Variants in VPS52 observed in about 807,000 individuals in gnomAD.
VPS52 encodes vacuolar protein sorting-associated protein 52 homolog.
A neutral mutation model predicts 98.7 loss-of-function variants in VPS52; 56 were observed. That is an observed-to-expected ratio of 0.57 (90% CI 0.46 to 0.71). VPS52 has a LOEUF of 0.71. Ranked by LOEUF, VPS52 falls within the 30% of genes least tolerant of loss-of-function variation. VPS52 has a pLI of 0.00. For missense variants in VPS52, 742 were observed against 925.9 expected, an observed-to-expected ratio of 0.80 and a Z score of 2.58; for synonymous variants, 348 against 346.4, an observed-to-expected ratio of 1.00 and a Z score of -0.05.
chr6:33,258,904 T>C (rs955732145), intron 17 of VPS52, among the ~76,000 whole-genome samples: 5 of 152,118 alleles, frequency 3.3e-5, no homozygotes, highest in African/African-American at 7.2e-5. Flanking sequence ...ATGACAGCCA[T>C]TTTACAGGAA....
In VPS52 at chr6:33,250,711, G is replaced by A; in HGVS notation, c.*130C>T. ...GGGCAAGGTGCTGGGAGTGAAGGCAGGTAAGCCATGTCAAGGGCCTGGGAA... is the reference window on the plus strand; with the variant it reads ...GGGCAAGGTGCTGGGAGTGAAGGCAAGTAAGCCATGTCAAGGGCCTGGGAA... On this transcript the variant is annotated 3_prime_UTR_variant, in exon 20 of 20. Transcript: ENST00000445902. 7.9e-7 allele frequency: 1 copy of A among 1,258,282 alleles called. No individual in the cohort carries two copies. 77.9% of individuals were successfully genotyped at this position (1,258,282 alleles called of 1,614,324 possible).
At chr6:33,256,658 C>G (rs62405748) in intron 17 of VPS52, among the ~76,000 whole-genome samples, 19 of 151,056 alleles carry the variant, frequency 1.3e-4, no homozygotes, top group African/African-American at 4.1e-4. Context: ...CTAGCCAACA[C>G]GGTGAAACCC....
At position 33,263,834 on chromosome 6, in the gene VPS52, A is replaced by T; in HGVS notation, c.1666T>A (p.Ser556Thr). 1 of 1,614,154 alleles carries T rather than the reference A, an allele frequency of 6.2e-7. No homozygotes were observed. Among genetic ancestry groups the T allele is most frequent in the Non-Finnish European group, 8.5e-7 (1 of 1,180,034 alleles). Residue 556 changes from serine to threonine, a missense_variant, in exon 16 of 20, where the codon TCA (serine) becomes ACA (threonine). Coordinates refer to ENST00000445902, the MANE Select transcript of VPS52 (RefSeq NM_022553.6). ...FVLRVAAEFS[S>T]RKEQLVFLIN... ...AGAAACACAAGCTGCTCCTTCCTTG[A>T]GGAGAACTCAGCTGCCACTCGGAGG...
At chr6:33,263,411 A>ACG in intron 17 of VPS52, 73 bp downstream of exon 17, 1 of 1,382,040 alleles carries the variant, frequency 7.2e-7, no homozygotes, top group Non-Finnish European at 1.0e-6. Context: ...ACACACACAC[A>ACG]CACAGAGAGA....
In VPS52 at chr6:33,250,620, G is replaced by A. The variant is rs1037537802; in HGVS notation, c.*221C>T. On this transcript the variant is annotated 3_prime_UTR_variant, in exon 20 of 20. Coordinates refer to ENST00000445902, the MANE Select transcript of VPS52 (RefSeq NM_022553.6). ...GGCCATTTTGGAAGCCCACAGGGAA[G>A]TGGTCTTGGGAAACCTGAAGACACT... The A allele has an allele frequency of 3.5e-6, 2 of 565,166 alleles. No homozygotes were observed. Among genetic ancestry groups the A allele is most frequent in the Non-Finnish European group, 6.1e-6 (2 of 329,096 alleles). The allele number at this position is 565,166 out of a possible 1,614,324, so 35.0% of individuals were successfully genotyped here.
At position 33,264,442 on chromosome 6, in the gene VPS52, T is replaced by C; in HGVS notation, c.1456A>G (p.Met486Val). The change falls in exon 14 of 20, where the codon ATG becomes GTG. Residue 486 changes from methionine to valine, a missense_variant. Around this residue, in one of 2 missense-constraint regions of VPS52, gnomAD observed 590 missense variants for 793.3 expected, o/e 0.74. Coordinates refer to ENST00000445902, the MANE Select transcript of VPS52 (RefSeq NM_022553.6). ...GTGCTTCGGACGCTCTGAACATTCATCTCCAGGATCAGTTCAAACCGTGGC... is the reference window on the plus strand; with the variant it reads ...GTGCTTCGGACGCTCTGAACATTCACCTCCAGGATCAGTTCAAACCGTGGC... ...LWPRFELILE[M>V]NVQSVRSTDP... is the part of the protein sequence containing the mutation. 1 of 1,614,118 alleles carries C rather than the reference T, an allele frequency of 6.2e-7. No individual in the cohort carries two copies. The highest frequency in any genetic ancestry group is 8.5e-7 in the Non-Finnish European group (1 of 1,180,028).
At chr6:33,255,557 C>T (rs112508703) in intron 17 of VPS52, among the ~76,000 whole-genome samples, 6,519 of 144,672 alleles carry the variant, frequency 0.045, 501 homozygotes, top group African/African-American at 0.16. Flanking sequence ...GAGGCCAAGG[C>T]GGGCAGATGA....
At chr6:33,265,133 C>T (rs1350178268) in intron 12 of VPS52, among the ~76,000 whole-genome samples, 1 of 152,054 alleles carries the variant, frequency 6.6e-6, no homozygotes, top group African/African-American at 2.4e-5. Context: ...AATGCAGTGG[C>T]ACAATCTCGG....
At chr6:33,271,939 C>A (rs1279797152), upstream of VPS52, 2 of 1,056,728 alleles carry the variant, frequency 1.9e-6, no homozygotes, top group African/African-American at 3.2e-5. Flanking sequence ...AAAGGCGCAC[C>A]GGAAGTTGTG....
At chr6:33,256,407 G>A (rs1762960880) in intron 17 of VPS52, among the ~76,000 whole-genome samples, 1 of 136,614 alleles carries the variant, frequency 7.3e-6, no homozygotes. Flanking sequence ...CAAGGCTGCA[G>A]TGAGCTATGA....
At position 33,264,067 on chromosome 6, in the gene VPS52, CAA is replaced by C. The variant is rs1562558608; in HGVS notation, c.1559_1560del (p.Leu520ArgfsTer9). 2 of 1,614,096 alleles carry C rather than the reference CAA, an allele frequency of 1.2e-6. No homozygotes were observed. Among genetic ancestry groups the C allele is most frequent in the Non-Finnish European group, 1.7e-6 (2 of 1,180,062 alleles). On this transcript the variant is annotated frameshift_variant, in exon 15 of 20. Transcript: ENST00000445902. LOFTEE classifies it high-confidence loss of function. ...TRRYAEFSSA[L>X]VSINQTIPNE... ...TTAGGAATTGTCTGGTTGATACTGA[CAA>C]GAGCGGAGGAGAACTCTGCATAGCG...
chr6:33,265,473 G>A (rs1398249118), intron 12 of VPS52, among the ~76,000 whole-genome samples: 9 of 152,140 alleles, frequency 5.9e-5, no homozygotes, highest in Admixed American at 5.9e-4. Flanking sequence ...CTCAAGTGAT[G>A]TTCCCACCTC....
In VPS52 at chr6:33,267,808, G is replaced by A. The variant is rs1487784281; in HGVS notation, c.933+57C>T. 11 of 1,612,732 alleles carry A rather than the reference G, an allele frequency of 6.8e-6. No individual in the cohort carries two copies. The highest frequency in any genetic ancestry group is 9.3e-6 in the Non-Finnish European group (11 of 1,179,970). ...ACACAATAAAATATTCCTTGCCCAG[G>A]GATGTCCCCTCCTCCCAGTCCATGT... On this transcript the variant is annotated intron_variant, in intron 9 of 19. Transcript: ENST00000445902. This position sits in a 1 kb window ranked among gnomAD's most constrained non-coding sequence, Gnocchi z 4.2.
chr6:33,258,108 CTGGACGCGG>C (rs1278574623), intron 17 of VPS52, among the ~76,000 whole-genome samples: 1 of 151,886 alleles, frequency 6.6e-6, no homozygotes, highest in Admixed American at 6.6e-5. Flanking sequence ...AAAACAAAGG[CTGGACGCGG>C]TGGCTCATGC....
chr6:33,250,697 T>C lies in VPS52; in HGVS notation c.*144A>G. On this transcript the variant is annotated 3_prime_UTR_variant, in exon 20 of 20. Transcript: ENST00000445902. ...CAGCTTATCCTGTTGGGCAAGGTGC[T>C]GGGAGTGAAGGCAGGTAAGCCATGT... The C allele has an allele frequency of 1.8e-6, 2 of 1,087,554 alleles. No individual in the cohort carries two copies. The highest frequency in any genetic ancestry group is 1.6e-5 in the South Asian group (1 of 64,496). The allele number at this position is 1,087,554 out of a possible 1,614,324, so 67.4% of individuals were successfully genotyped here. A position where few individuals can be genotyped will look rare whatever the true frequency, so the allele number is the denominator to read the frequency against.
At chr6:33,254,362 AAT>A (rs1762683862) in intron 17 of VPS52, among the ~76,000 whole-genome samples, 1 of 152,222 alleles carries the variant, frequency 6.6e-6, no homozygotes, top group Admixed American at 6.5e-5. Context: ...GAGGGTGTCA[AAT>A]AACTAATATG....
At chr6:33,270,595 G>C (rs1333178895) in intron 1 of VPS52, among the ~76,000 whole-genome samples, 5 of 152,130 alleles carry the variant, frequency 3.3e-5, no homozygotes, top group Non-Finnish European at 5.9e-5. Context: ...AGGAGTTCAA[G>C]GTCAACCTGG....
Position 33,267,328 on chromosome 6 carries a change from T to G in VPS52, c.992-7A>C, listed in dbSNP as rs750458902. 1 of 1,569,000 alleles carries G rather than the reference T, an allele frequency of 6.4e-7. No homozygotes were observed. The highest frequency in any genetic ancestry group is 2.3e-5 in the East Asian group (1 of 44,112). On this transcript the variant is annotated splice_polypyrimidine_tract_variant and splice_region_variant and intron_variant, in intron 10 of 19. Coordinates refer to ENST00000445902, the MANE Select transcript of VPS52 (RefSeq NM_022553.6). This position sits in a 1 kb window ranked among gnomAD's most constrained non-coding sequence, Gnocchi z 4.2. The stretch of plus-strand genomic sequence containing the variant: ...GATGGCTTTGAGAAGAATCGTAAGA[T>G]GGGTCAGAGTCAGGGAAAACAATGA...
rs776112939 is a variant in VPS52 at position 33,266,658 on chromosome 6, A to G, written c.1180T>C (p.Cys394Arg). The G allele has an allele frequency of 6.2e-7, 1 of 1,612,980 alleles. No homozygotes were observed. The highest frequency in any genetic ancestry group is 1.7e-5 in the Admixed American group (1 of 60,000). Residue 394 changes from cysteine to arginine, a missense_variant, in exon 12 of 20, where the codon TGC becomes CGC. Coordinates refer to ENST00000445902, the MANE Select transcript of VPS52 (RefSeq NM_022553.6). ...SQHYALLDNS[C>R]REYLFICEFF... ...TCACAGATGAAAAGGTATTCGCGGC[A>G]GGAATTGTCTAGGAGGGCGTAGTGC...
Sources: allele counts gnomAD v4.1 joint callset (sites outside exome capture counted in the v4.1 genomes callset), GRCh38; gene constraint gnomAD v4.1.1; regional missense constraint gnomAD v4.1.1; non-coding constraint Gnocchi (gnomAD v3.1); transcripts MANE v1.5; gene names NCBI Gene and HGNC (gene_info 2026-07-23, HGNC 2026-07-21).